The following KDM4C variants were observed in gnomAD, a reference collection of about 807,000 sequenced individuals.
KDM4C encodes lysine demethylase 4C.
A neutral mutation model predicts 129.3 loss-of-function variants in KDM4C; 81 were observed. That is an observed-to-expected ratio of 0.63 (90% CI 0.52 to 0.75). The LOEUF (loss-of-function observed/expected upper bound fraction) is 0.75, where lower values mean the gene tolerates loss of function less well. Among genes scored for constraint, KDM4C ranks in the 30% least tolerant of loss-of-function variants. The pLI, the probability that KDM4C is intolerant of heterozygous loss-of-function variation, is 0.00. For missense variants in KDM4C, 1,457 were observed against 1,304.0 expected (o/e 1.12, Z -1.81); for synonymous variants, 573 against 456.1 (o/e 1.26, Z -3.26).
At chr9:6,975,036 A>G (rs550339533) in intron 8 of KDM4C, 1 of 152,336 alleles carries the variant, frequency 6.6e-6, no homozygotes, top group South Asian at 2.1e-4. Flanking sequence ...TTCTTTTTGC[A>G]TAGTTTTTCT....
intron 8 of KDM4C, among the ~76,000 whole-genome samples, chr9:6,967,819 A>C (rs1279644712): frequency 1.3e-5 from 2 of 152,190 alleles, no homozygotes; most frequent in Non-Finnish European, 2.9e-5. Context: ...TTATATTGTG[A>C]GTTTTTAGCA....
chr9:6,996,467 G>A (rs1434553411), intron 12 of KDM4C, among the ~76,000 whole-genome samples: 4 of 152,164 alleles, frequency 2.6e-5, no homozygotes, highest in African/African-American at 4.8e-5. Flanking sequence ...TGGAAAAATT[G>A]TTTTCAATAA....
intron 1 of KDM4C, among the ~76,000 whole-genome samples, chr9:6,776,029 C>G (rs1563978441): frequency 6.6e-6 from 1 of 152,174 alleles, no homozygotes; most frequent in Non-Finnish European, 1.5e-5. Context: ...GATACATGAA[C>G]AATTAAAAAT....
intron 17 of KDM4C, among the ~76,000 whole-genome samples, chr9:7,096,610 A>G (rs1461446357): frequency 1.3e-5 from 2 of 152,226 alleles, no homozygotes; most frequent in Non-Finnish European, 2.9e-5. Flanking sequence ...CTAGAGGAGT[A>G]TGGCAGTTGG....
At chr9:7,170,703 GA>G in intron 21 of KDM4C, 3 of 978,456 alleles carry the variant, frequency 3.1e-6, no homozygotes, top group Non-Finnish European at 3.6e-6. Flanking sequence ...TGACTAAAAT[GA>G]AATTTTTTTT....
chr9:6,814,882 C>T (rs1399917042), intron 4 of KDM4C, 137 bp downstream of exon 4: 2 of 460,304 alleles, frequency 4.3e-6, no homozygotes, highest in East Asian at 6.8e-5. Context: ...AGGAAATATT[C>T]ATCAGTAGGA....
chr9:7,044,278 G>A (rs576710687), intron 15 of KDM4C, among the ~76,000 whole-genome samples: 1 of 152,038 alleles, frequency 6.6e-6, no homozygotes, highest in African/African-American at 2.4e-5. Context: ...GCTCTAAAGT[G>A]TTCAGGACAG....
intron 12 of KDM4C, among the ~76,000 whole-genome samples, chr9:7,000,738 C>G (rs1820579487): frequency 1.3e-5 from 2 of 152,072 alleles, no homozygotes; most frequent in African/African-American, 4.8e-5. Context: ...AACCTGAACG[C>G]CAGTTTCTTT....
intron 1 of KDM4C, among the ~76,000 whole-genome samples, chr9:6,742,927 C>T (rs1258520507): frequency 1.3e-5 from 2 of 152,020 alleles, no homozygotes; most frequent in Non-Finnish European, 2.9e-5. Context: ...AGGAAAATCG[C>T]TTGAACCCGG....
chr9:6,951,208 G>A (rs1828083313), intron 8 of KDM4C, among the ~76,000 whole-genome samples: 1 of 151,802 alleles, frequency 6.6e-6, no homozygotes, highest in East Asian at 1.9e-4. Flanking sequence ...TTAGCTATTT[G>A]AAATTATATA....
At chr9:6,752,332 CAAAAA>C (rs1159747148) in intron 1 of KDM4C, among the ~76,000 whole-genome samples, 17 of 19,254 alleles carry the variant, frequency 8.8e-4, no homozygotes, top group African/African-American at 2.4e-3. Context: ...AACTCCGTCT[CAAAAA>C]AAAAAAAAAA....
intron 8 of KDM4C, among the ~76,000 whole-genome samples, chr9:6,949,831 GGAGGGAGAGGGAGACCGTGGGGAGA>G (rs2131493013): frequency 6.6e-6 from 1 of 152,160 alleles, no homozygotes; most frequent in Admixed American, 6.5e-5. Context: ...GGGAGACCGT[GGAGGGAGAGGGAGACCGTGGGGAGA>G]GGGAGAGGGA....
intron 18 of KDM4C, among the ~76,000 whole-genome samples, chr9:7,111,384 T>A (rs1838300135): frequency 1.3e-5 from 2 of 152,340 alleles, no homozygotes; most frequent in Middle Eastern, 3.4e-3. Context: ...GCAGACACTC[T>A]GAAATTCGAA....
chr9:6,904,563 G>C (rs752056558), intron 8 of KDM4C, among the ~76,000 whole-genome samples: 13 of 152,172 alleles, frequency 8.5e-5, no homozygotes, highest in East Asian at 3.9e-4. Flanking sequence ...AGGTGGGCTT[G>C]TGCTTGGTGC....
chr9:6,731,845 C>T (rs1042552450), intron 1 of KDM4C, among the ~76,000 whole-genome samples: 2 of 152,166 alleles, frequency 1.3e-5, no homozygotes, highest in Non-Finnish European at 2.9e-5. Flanking sequence ...TTATAGGTTA[C>T]TGTGTCCTCA....
At chr9:6,989,332 T>C (rs1818319988) in intron 11 of KDM4C, among the ~76,000 whole-genome samples, 1 of 152,180 alleles carries the variant, frequency 6.6e-6, no homozygotes, top group South Asian at 2.1e-4. Context: ...CATAGTCAAC[T>C]CTTGATGTAA....
chr9:6,902,844 G>A (rs1817638009), intron 8 of KDM4C: 1 of 152,166 alleles, frequency 6.6e-6, no homozygotes. Context: ...CTAAAATGAA[G>A]GCAGTATGAA....
chr9:7,102,129 A>G (rs968962010), intron 17 of KDM4C, among the ~76,000 whole-genome samples: 4 of 152,088 alleles, frequency 2.6e-5, no homozygotes, highest in Admixed American at 2.0e-4. Context: ...TGATTTTTTA[A>G]TCAGTTAAGC....
intron 21 of KDM4C, among the ~76,000 whole-genome samples, chr9:7,172,712 G>A (rs778187947): frequency 3.9e-5 from 6 of 152,140 alleles, no homozygotes; most frequent in African/African-American, 9.7e-5. Flanking sequence ...TTTACGCTTC[G>A]GTACATTTTT....
Sources: gnomAD v4.1 joint callset for allele counts (sites outside exome capture counted in the v4.1 genomes callset) on GRCh38, gnomAD v4.1.1 for gene constraint, MANE v1.5 for transcripts, NCBI Gene and HGNC (gene_info 2026-07-23, HGNC 2026-07-21) for gene names.